The following CACNA1D variants were observed in gnomAD, a reference collection of about 807,000 sequenced individuals.
CACNA1D encodes the protein calcium voltage-gated channel subunit alpha1 D, also known as voltage-dependent L-type calcium channel subunit alpha-1D.
A neutral mutation model predicts 257.1 loss-of-function variants in CACNA1D; 55 were observed. That is an observed-to-expected ratio of 0.21 (90% CI 0.17 to 0.27). The LOEUF (loss-of-function observed/expected upper bound fraction) is 0.27, where lower values mean the gene tolerates loss of function less well. Among genes scored for constraint, CACNA1D ranks in the 10% least tolerant of loss-of-function variants. The pLI is 1.00. For missense variants in CACNA1D, 1,876 were observed against 2,784.0 expected (o/e 0.67, Z 7.34); for synonymous variants, 980 against 1,014.9 (o/e 0.97, Z 0.65).
Position 53,618,619 on chromosome 3 carries a change from G to A in CACNA1D, c.484-32160G>A, listed in dbSNP as rs187940887. Among the ~76,000 whole-genome samples the A allele has an allele frequency of 2.0e-4, 30 of 152,262 alleles. No individual in the cohort carries two copies. In the Middle Eastern group the frequency reaches 0.01, roughly 52 times the overall value. Reference sequence around the variant, plus strand: ...TGGTTTTCCATGTGGACCATTTATTGCACCTGCCCCTCCTCTAGGCATAGC... The same window carrying A: ...TGGTTTTCCATGTGGACCATTTATTACACCTGCCCCTCCTCTAGGCATAGC... On this transcript the variant is annotated intron_variant, in intron 3 of 47. Transcript: ENST00000350061.
intron 3 of CACNA1D, among the ~76,000 whole-genome samples, chr3:53,530,729 A>T (rs944405396): frequency 3.9e-5 from 6 of 152,164 alleles, no homozygotes; most frequent in Non-Finnish European, 7.3e-5. Flanking sequence ...TGCCTCCTGT[A>T]ACAGTCTCAT....
intron 36 of CACNA1D, 56 bp from the exon 37 acceptor site, chr3:53,776,804 G>A (rs1165272503): frequency 1.3e-5 from 21 of 1,613,152 alleles, no homozygotes; most frequent in Non-Finnish European, 1.7e-5. Flanking sequence ...GGAGTGGACT[G>A]AAAGTTCGGG....
intron 3 of CACNA1D, among the ~76,000 whole-genome samples, chr3:53,585,117 C>A (rs181810170): frequency 1.1e-5 from 1 of 88,230 alleles, no homozygotes; most frequent in East Asian, 2.9e-4. Flanking sequence ...TATTCACACG[C>A]TTTGTCTCAT....
intron 3 of CACNA1D, among the ~76,000 whole-genome samples, chr3:53,538,150 T>G (rs1381704100): frequency 1.1e-5 from 1 of 95,086 alleles, no homozygotes; most frequent in East Asian, 2.6e-4. Flanking sequence ...AGTTTTTTTT[T>G]TTTTTTTTTT....
intron 3 of CACNA1D, among the ~76,000 whole-genome samples, chr3:53,607,403 C>G (rs367634148): frequency 6.6e-6 from 1 of 152,184 alleles, no homozygotes; most frequent in African/African-American, 2.4e-5. Context: ...CCCTTAAAAT[C>G]AGAAAGGGAG....
intron 45 of CACNA1D, among the ~76,000 whole-genome samples, chr3:53,806,210 T>C (rs1576736062): frequency 8.7e-6 from 1 of 115,374 alleles, no homozygotes; most frequent in African/African-American, 3.2e-5. Context: ...TCCCTCATCT[T>C]CCCTCCTCCC....
At chr3:53,542,971 G>T (rs894827520) in intron 3 of CACNA1D, among the ~76,000 whole-genome samples, 3 of 151,774 alleles carry the variant, frequency 2.0e-5, no homozygotes, top group African/African-American at 7.3e-5. Flanking sequence ...AGAATCGCTT[G>T]AACCCGGGAG....
At chr3:53,517,710 C>G (rs532021402) in intron 3 of CACNA1D, among the ~76,000 whole-genome samples, 1 of 152,272 alleles carries the variant, frequency 6.6e-6, no homozygotes, top group South Asian at 2.1e-4. Flanking sequence ...TCTCAAACTC[C>G]TGACCTTGTG....
At chr3:53,659,146 A>G (rs567680423) in intron 4 of CACNA1D, among the ~76,000 whole-genome samples, 1 of 152,376 alleles carries the variant, frequency 6.6e-6, no homozygotes, top group African/African-American at 2.4e-5. Context: ...CTGAAAAACG[A>G]GCAATAATTC....
At chr3:53,732,193 C>A in intron 18 of CACNA1D, 111 bp downstream of exon 18, 1 of 799,814 alleles carries the variant, frequency 1.3e-6, no homozygotes. Flanking sequence ...ACATGAGCTG[C>A]TGAGGCCACC....
intron 40 of CACNA1D, chr3:53,797,642 G>A (rs928247136): frequency 3.8e-4 from 58 of 152,122 alleles, no homozygotes; most frequent in African/African-American, 1.3e-3. Context: ...TCCTAATCTT[G>A]TGTATCACTG....
intron 30 of CACNA1D, among the ~76,000 whole-genome samples, chr3:53,766,961 G>A (rs180936585): frequency 4.6e-4 from 70 of 152,238 alleles, no homozygotes; most frequent in Admixed American, 5.2e-4. Flanking sequence ...GCCCACTTGC[G>A]TTCCAGCTCC....
intron 3 of CACNA1D, among the ~76,000 whole-genome samples, chr3:53,583,587 A>G (rs1440628534): frequency 1.3e-5 from 2 of 152,148 alleles, no homozygotes; most frequent in South Asian, 2.1e-4. Context: ...CTTAGGCAGT[A>G]TAAGGACTCC....
chr3:53,757,478 A>G (rs934032200), intron 29 of CACNA1D, among the ~76,000 whole-genome samples: 2 of 151,886 alleles, frequency 1.3e-5, no homozygotes, highest in South Asian at 2.1e-4. Context: ...CTGAGCTTCT[A>G]TGCCTCCCTG....
intron 3 of CACNA1D, among the ~76,000 whole-genome samples, chr3:53,596,655 C>T (rs1015584872): frequency 3.9e-5 from 6 of 152,224 alleles, no homozygotes; most frequent in East Asian, 1.9e-4. Flanking sequence ...GATGTAACCA[C>T]GAGCCAAGGA....
chr3:53,691,914 AATATATATT>A (rs1410964611), intron 8 of CACNA1D, among the ~76,000 whole-genome samples: 7 of 50,316 alleles, frequency 1.4e-4, no homozygotes, highest in African/African-American at 4.2e-4. Context: ...TATTATATAT[AATATATATT>A]ATATATATTA....
chr3:53,670,185 C>T (rs943926688), intron 7 of CACNA1D, among the ~76,000 whole-genome samples: 3 of 152,168 alleles, frequency 2.0e-5, no homozygotes, highest in Non-Finnish European at 4.4e-5. Flanking sequence ...CCTAGGAAAT[C>T]TCTCTGTAAC....
At chr3:53,575,101 T>G (rs1217803574) in intron 3 of CACNA1D, among the ~76,000 whole-genome samples, 5 of 152,130 alleles carry the variant, frequency 3.3e-5, no homozygotes, top group Non-Finnish European at 5.9e-5. Context: ...CTGGGGTGTT[T>G]GGAGAGGACT....
At position 53,736,861 on chromosome 3, in the gene CACNA1D, C is replaced by G. The variant is rs191950365; in HGVS notation, c.2751+1358C>G. On this transcript the variant is annotated intron_variant, in intron 20 of 47. Coordinates refer to ENST00000350061, the MANE Select transcript of CACNA1D (RefSeq NM_001128840.3). ...TGTGTTCACACCACTGTATTCCAGC[C>G]TGGGTGACAGAGCAAGACCCTGTCT... is the stretch of plus-strand genomic sequence containing the variant. 4.0e-4 allele frequency among the ~76,000 whole-genome samples: 61 copies of G among 150,846 alleles called. No individual in the cohort carries two copies. In the East Asian group the frequency reaches 1.0e-2, roughly 25 times the overall value.
Sources: gnomAD v4.1 joint callset for allele counts (sites outside exome capture counted in the v4.1 genomes callset) on GRCh38, gnomAD v4.1.1 for gene constraint, MANE v1.5 for transcripts, NCBI Gene and HGNC (gene_info 2026-07-23, HGNC 2026-07-21) for gene names.